The following MTBP variants were observed in gnomAD, a reference collection of about 807,000 sequenced individuals.
MTBP encodes mdm2-binding protein.
Under a neutral mutation model 117.0 loss-of-function variants are expected in MTBP, and 101 were observed. That is an observed-to-expected ratio of 0.86 (90% CI 0.73 to 1.02). The LOEUF is 1.02. Ranked by LOEUF, MTBP falls within the 50% of genes least tolerant of loss-of-function variation. The probability of loss-of-function intolerance (pLI) is 0.00; values close to 1 mark genes in which losing one functional copy is unlikely to be tolerated. For missense variants in MTBP, 970 were observed against 1,030.9 expected (o/e 0.94, Z 0.81); for synonymous variants, 350 against 351.5 (o/e 1.00, Z 0.05).
At chr8:120,447,259 C>T (rs914918479) in intron 2 of MTBP, among the ~76,000 whole-genome samples, 2 of 151,766 alleles carry the variant, frequency 1.3e-5, no homozygotes, top group African/African-American at 4.8e-5. Context: ...ACAATCTGCA[C>T]CTTTCTCTTC....
chr8:120,485,193 T>G (rs1469596579), intron 11 of MTBP, among the ~76,000 whole-genome samples: 1 of 152,212 alleles, frequency 6.6e-6, no homozygotes, highest in Non-Finnish European at 1.5e-5. Context: ...TCGTCTTTTT[T>G]TCAGTGTCTT....
chr8:120,503,756 CTG>C (rs1297562901), intron 15 of MTBP, among the ~76,000 whole-genome samples: 4 of 152,192 alleles, frequency 2.6e-5, no homozygotes, highest in South Asian at 4.1e-4. Flanking sequence ...TGAGAGATGA[CTG>C]TAATTTCAAA....
At chr8:120,466,027 C>A (rs531323981) in intron 10 of MTBP, among the ~76,000 whole-genome samples, 5 of 152,062 alleles carry the variant, frequency 3.3e-5, no homozygotes, top group Admixed American at 2.6e-4. Context: ...TCTTCTCAAA[C>A]CATGATTGTA....
In MTBP at chr8:120,522,684, G is replaced by T. The variant is rs146009342; in HGVS notation, c.2641G>T (p.Glu881Ter). 1.4e-5 allele frequency: 22 copies of T among 1,606,502 alleles called. No individual in the cohort carries two copies. The highest frequency in any genetic ancestry group is 6.0e-6 in the Non-Finnish European group (7 of 1,175,188). The part of the protein sequence containing the change: ...DLKTSRGLFE[E>*]MKKTANNNAV... ...TAAAACTTCAAGGGGTCTATTTGAA[G>T]AAATGAAGAAAACAGCAAACAACAA... The change falls in exon 21 of 22, where the codon GAA becomes TAA. Residue 881 changes from glutamate (E) to a stop codon, truncating the protein, a stop_gained. Coordinates refer to ENST00000305949, the MANE Select transcript of MTBP (RefSeq NM_022045.5). LOFTEE classifies it high-confidence loss of function.
rs1814694535 is a variant in MTBP, at chr8:120,506,745, C to G, written c.1767C>G (p.Gly589=). ...SLPHSSEQLL[G]HKEGPRDSIT... ...CTCATTCATCTGAACAGTTGCTGGGCCACAAAGAGGGTCCTCGGGACTCAA... is the reference window on the plus strand; with the variant it reads ...CTCATTCATCTGAACAGTTGCTGGGGCACAAAGAGGGTCCTCGGGACTCAA... The change falls in exon 16 of 22, where the codon GGC becomes GGG. Residue 589 remains glycine, a synonymous_variant. Transcript: ENST00000305949. The G allele has an allele frequency of 1.2e-6, 2 of 1,612,760 alleles. No homozygotes were observed. Among genetic ancestry groups the G allele is most frequent in the Non-Finnish European group, 1.7e-6 (2 of 1,179,456 alleles).
chr8:120,511,422 G>T (rs1249280882), intron 17 of MTBP, among the ~76,000 whole-genome samples: 1 of 152,038 alleles, frequency 6.6e-6, no homozygotes, highest in Non-Finnish European at 1.5e-5. Context: ...CAGCCTCCCA[G>T]GTAACTGGGA....
intron 11 of MTBP, among the ~76,000 whole-genome samples, chr8:120,485,763 C>T (rs1814199452): frequency 6.6e-6 from 1 of 152,004 alleles, no homozygotes; most frequent in African/African-American, 2.4e-5. Flanking sequence ...AATTTATCTC[C>T]CCCCTTATTA....
At chr8:120,464,565 A>C (rs190353964) in intron 10 of MTBP, among the ~76,000 whole-genome samples, 19 of 152,144 alleles carry the variant, frequency 1.2e-4, no homozygotes, top group African/African-American at 4.3e-4. Flanking sequence ...TGCTAAAATC[A>C]AGTCTTGGTT....
At chr8:120,466,562 G>T (rs1213820556) in intron 10 of MTBP, among the ~76,000 whole-genome samples, 4 of 151,128 alleles carry the variant, frequency 2.6e-5, no homozygotes, top group Non-Finnish European at 5.9e-5. Context: ...CCAGTTCTTT[G>T]AAATCTAGTG....
chr8:120,501,278 C>T (rs1814581412), intron 14 of MTBP, among the ~76,000 whole-genome samples: 2 of 151,450 alleles, frequency 1.3e-5, no homozygotes, highest in Non-Finnish European at 2.9e-5. Flanking sequence ...AGGAGAATGG[C>T]GTGAACCTGG....
chr8:120,478,426 C>T (rs550831563), intron 11 of MTBP, among the ~76,000 whole-genome samples: 125 of 151,966 alleles, frequency 8.2e-4, no homozygotes, highest in African/African-American at 3.0e-3. Context: ...TTGGTCTTTT[C>T]AATTTTATGT....
chr8:120,517,818 C>T, intron 18 of MTBP, 33 bp from the exon 19 acceptor site: 2 of 1,586,346 alleles, frequency 1.3e-6, no homozygotes, highest in Non-Finnish European at 8.6e-7. Flanking sequence ...TTCGCTTAAT[C>T]TACGTTCTTG....
intron 10 of MTBP, among the ~76,000 whole-genome samples, chr8:120,464,434 G>T (rs1813644611): frequency 6.6e-6 from 1 of 150,836 alleles, no homozygotes; most frequent in Admixed American, 6.6e-5. Context: ...AATTTTTAAT[G>T]CACAAAATCT....
intron 13 of MTBP, among the ~76,000 whole-genome samples, chr8:120,493,074 T>G (rs1467748963): frequency 6.6e-6 from 1 of 152,168 alleles, no homozygotes; most frequent in African/African-American, 2.4e-5. Context: ...CCTACATCTT[T>G]GTTAAATTTA....
chr8:120,519,374 A>G (rs774675231), intron 20 of MTBP, among the ~76,000 whole-genome samples: 2 of 152,104 alleles, frequency 1.3e-5, no homozygotes, highest in Non-Finnish European at 1.5e-5. Flanking sequence ...ATGACTGTGT[A>G]GTAAAAAGGC....
Position 120,516,064 on chromosome 8 carries a change from T to A in MTBP, c.2119T>A (p.Ser707Thr). The A allele has an allele frequency of 6.2e-7, 1 of 1,613,034 alleles. No individual in the cohort carries two copies. The highest frequency in any genetic ancestry group is 8.5e-7 in the Non-Finnish European group (1 of 1,179,226). Reference protein sequence around the residue: ...PVPTVLSPLPSPVVSSDPGSV... With the variant: ...PVPTVLSPLPTPVVSSDPGSV... ...ACCTACTGTGTTGAGCCCTCTTCCA[T>A]CTCCTGTAGTTTCGTCAGATCCTGG... is the stretch of plus-strand genomic sequence containing the variant. Residue 707 changes from serine to threonine, a missense_variant, in exon 18 of 22, where the codon TCT becomes ACT. Physicochemically the swap from Ser to Thr is moderately conservative, Grantham distance 58 (BLOSUM62 1). Transcript: ENST00000305949.
At chr8:120,516,228 G>A in intron 18 of MTBP, 37 bp downstream of exon 18, 1 of 1,481,300 alleles carries the variant, frequency 6.8e-7, no homozygotes. Flanking sequence ...TATATTGACA[G>A]AAAGTATTTT....
intron 18 of MTBP, 44 bp from the exon 19 acceptor site, chr8:120,517,807 A>C (rs1313986355): frequency 6.4e-7 from 1 of 1,558,748 alleles, no homozygotes; most frequent in Non-Finnish European, 8.7e-7. Context: ...TTCGATGTTG[A>C]TTCGCTTAAT....
chr8:120,484,860 A>G (rs1380901608), intron 11 of MTBP, among the ~76,000 whole-genome samples: 5 of 152,294 alleles, frequency 3.3e-5, no homozygotes, highest in African/African-American at 1.2e-4. Context: ...TTTGGTCTGT[A>G]TAGATTTGAC....
Sources: gnomAD v4.1 joint callset for allele counts (sites outside exome capture counted in the v4.1 genomes callset) on GRCh38, gnomAD v4.1.1 for gene constraint, MANE v1.5 for transcripts, NCBI Gene and HGNC (gene_info 2026-07-23, HGNC 2026-07-21) for gene names.